TUB: variants seen among roughly 807,000 people sequenced by gnomAD.
The protein encoded by TUB is tubby protein homolog.
Under a neutral mutation model 59.7 loss-of-function variants are expected in TUB, and 33 were observed. The ratio of observed to expected loss-of-function variants is 0.55; its 90% CI spans 0.42 to 0.74. The LOEUF (loss-of-function observed/expected upper bound fraction) is 0.74. Ranked by LOEUF, TUB falls within the 30% of genes least tolerant of loss-of-function variation. The pLI is 0.00. For missense variants in TUB, 659 were observed against 672.0 expected (o/e 0.98, Z 0.21); for synonymous variants, 293 against 256.4 (o/e 1.14, Z -1.36).
At chr11:8,060,068 T>A (rs546196615) in intron 2 of TUB, 4 of 152,484 alleles carry the variant, frequency 2.6e-5, no homozygotes, top group Admixed American at 2.6e-4. Flanking sequence ...GAAGAGCAGG[T>A]CTGGAGTAAG....
chr11:8,037,091 T>C (rs2133723157), upstream of TUB, among the ~76,000 whole-genome samples: 1 of 152,340 alleles, frequency 6.6e-6, no homozygotes, highest in Non-Finnish European at 1.5e-5. Context: ...AGAGAGTTTC[T>C]GGGAGATGGA....
At chr11:8,069,954 G>A (rs1299415699) in intron 2 of TUB, among the ~76,000 whole-genome samples, 1 of 152,188 alleles carries the variant, frequency 6.6e-6, no homozygotes, top group African/African-American at 2.4e-5. Context: ...TGCCATCCTG[G>A]GATGTGGGGC....
intron 2 of TUB, among the ~76,000 whole-genome samples, chr11:8,054,204 T>C (rs1366354433): frequency 1.3e-5 from 2 of 152,224 alleles, no homozygotes; most frequent in East Asian, 3.9e-4. Context: ...ACATTTCCAG[T>C]TTCTTCTATG....
chr11:8,027,966 T>C (rs1007932741), intron 1 of TUB, among the ~76,000 whole-genome samples: 11 of 152,242 alleles, frequency 7.2e-5, no homozygotes, highest in African/African-American at 2.7e-4. Flanking sequence ...AGGAGTAGAA[T>C]TGCTGTTTGG....
At chr11:8,073,667 C>T (rs73396783) in intron 2 of TUB, among the ~76,000 whole-genome samples, 3,597 of 152,270 alleles carry the variant, frequency 0.024, 143 homozygotes, top group African/African-American at 0.08. Context: ...GTGAAACAAA[C>T]CCCTCCTGGA....
chr11:8,029,745 G>A (rs901196995), intron 1 of TUB, among the ~76,000 whole-genome samples: 7 of 152,272 alleles, frequency 4.6e-5, no homozygotes, highest in East Asian at 1.9e-4. Context: ...TGGCCTCGGT[G>A]TGTGTTCTGT....
At chr11:8,093,243 A>AG (rs1203792347) in intron 3 of TUB, among the ~76,000 whole-genome samples, 2 of 151,466 alleles carry the variant, frequency 1.3e-5, no homozygotes, top group Admixed American at 6.6e-5. Context: ...TTGATCACTG[A>AG]GGGGGGCGAG....
chr11:8,087,500 G>C (rs1411776382), intron 1 of TUB, among the ~76,000 whole-genome samples: 2 of 152,262 alleles, frequency 1.3e-5, no homozygotes, highest in East Asian at 3.8e-4. Context: ...TGACAGTGGG[G>C]TTTATAGCTG....
Position 8,101,850 on chromosome 11 carries a change from T to TAAAGAC in TUB, c.*231_*232insAAAGAC. The stretch of plus-strand genomic sequence containing the variant: ...GGTGTGAAGGGATGAGAATAATTCT[T>TAAAGAC]TCCATGCCACGAGATCAACACACAC... On this transcript the variant is annotated 3_prime_UTR_variant, in exon 12 of 12. Transcript: ENST00000299506. 2.1e-6 allele frequency: 1 copy of TAAAGAC among 482,834 alleles called. No homozygotes were observed. The highest frequency in any genetic ancestry group is 3.6e-5 in the South Asian group (1 of 28,156). 29.9% of individuals were successfully genotyped at this position (482,834 alleles called of 1,614,324 possible).
At chr11:8,052,150 A>C (rs888337059) in intron 2 of TUB, among the ~76,000 whole-genome samples, 2 of 152,214 alleles carry the variant, frequency 1.3e-5, no homozygotes, top group African/African-American at 4.8e-5. Flanking sequence ...TACGGTTACA[A>C]AATTGTCTTG....
At chr11:8,084,734 G>A (rs937738674) in intron 1 of TUB, among the ~76,000 whole-genome samples, 11 of 152,282 alleles carry the variant, frequency 7.2e-5, no homozygotes, top group African/African-American at 2.6e-4. Context: ...AGCCTCTAGG[G>A]CTTCCTTGGC....
chr11:8,061,218 C>T (rs1388076192), intron 2 of TUB, among the ~76,000 whole-genome samples: 2 of 152,236 alleles, frequency 1.3e-5, no homozygotes, highest in African/African-American at 4.8e-5. Flanking sequence ...GCATCAGCGA[C>T]GATGCCACCT....
At chr11:8,042,628 T>G (rs1272438205) in intron 2 of TUB, among the ~76,000 whole-genome samples, 1 of 152,232 alleles carries the variant, frequency 6.6e-6, no homozygotes, top group Non-Finnish European at 1.5e-5. Context: ...TCTGCAATTT[T>G]AAGTATAGTC....
Position 8,081,302 on chromosome 11 carries a change from G to C in TUB, c.-209G>C. 2 of 909,662 alleles carry C rather than the reference G, an allele frequency of 2.2e-6. No individual in the cohort carries two copies. The highest frequency in any genetic ancestry group is 2.6e-6 in the Non-Finnish European group (2 of 761,026). The allele number at this position is 909,662 out of a possible 1,614,324, so 56.3% of individuals were successfully genotyped here. A position where few individuals can be genotyped will look rare whatever the true frequency, so the allele number is the denominator to read the frequency against. ...ACGACCCGCGCACTCCCGGAGCTTCGCCCATCTCGCCTCGCCGCGCCGCGC... is the reference window on the plus strand; with the variant it reads ...ACGACCCGCGCACTCCCGGAGCTTCCCCCATCTCGCCTCGCCGCGCCGCGC... On this transcript the variant is annotated 5_prime_UTR_variant, in exon 1 of 12. Coordinates refer to ENST00000299506, the MANE Select transcript of TUB (RefSeq NM_177972.3).
chr11:8,077,214 A>T (rs1943464774), upstream of TUB: 1 of 152,210 alleles, frequency 6.6e-6, no homozygotes, highest in South Asian at 2.1e-4. Context: ...TGGGCAGATT[A>T]TTCTTGGCTT....
chr11:8,060,084 T>A (rs1339889920), intron 2 of TUB: 1 of 152,346 alleles, frequency 6.6e-6, no homozygotes, highest in Non-Finnish European at 1.5e-5. Flanking sequence ...GTAAGGTGAG[T>A]TGCTTTGAAC....
rs112885280 is a variant in TUB at position 8,081,503 on chromosome 11, C to T, written c.-8C>T. Reference sequence around the variant, plus strand: ...AGAGCCGCAGCCACCGCCCCGCCCCCGAGAGACATGACTTCCAAGCCGCAT... The same window carrying T: ...AGAGCCGCAGCCACCGCCCCGCCCCTGAGAGACATGACTTCCAAGCCGCAT... On this transcript the variant is annotated 5_prime_UTR_variant, in exon 1 of 12. Transcript: ENST00000299506. 68,626 of 1,538,654 alleles carry T rather than the reference C, an allele frequency of 0.045. 1,873 individuals carry two copies. Among genetic ancestry groups the T allele is most frequent in the Non-Finnish European group, 0.053 (61,242 of 1,149,574 alleles).
At chr11:8,048,251 A>C (rs1489566221) in intron 2 of TUB, among the ~76,000 whole-genome samples, 1 of 152,206 alleles carries the variant, frequency 6.6e-6, no homozygotes, top group African/African-American at 2.4e-5. Context: ...GTGGTTAAGT[A>C]AATTGCCTGA....
At chr11:8,057,277 C>T (rs940157334) in intron 2 of TUB, among the ~76,000 whole-genome samples, 5 of 152,194 alleles carry the variant, frequency 3.3e-5, no homozygotes, top group Non-Finnish European at 7.3e-5. Flanking sequence ...CACAGTTACT[C>T]GCGCCTGTAA....
Sources: gnomAD v4.1 joint callset for allele counts (sites outside exome capture counted in the v4.1 genomes callset) on GRCh38, gnomAD v4.1.1 for gene constraint, MANE v1.5 for transcripts, NCBI Gene and HGNC (gene_info 2026-07-23, HGNC 2026-07-21) for gene names.